Variants in NAA11 observed in about 807,000 individuals in gnomAD.
NAA11 encodes N-alpha-acetyltransferase 11.
A neutral mutation model predicts 16.1 loss-of-function variants in NAA11; 15 were observed. The ratio of observed to expected loss-of-function variants is 0.93; its 90% CI spans 0.62 to 1.44. The LOEUF (loss-of-function observed/expected upper bound fraction) is 1.44. Ranked by LOEUF, NAA11 falls within the 40% of genes most tolerant of loss-of-function variation. The pLI is 0.00. For synonymous variants in NAA11, 122 were observed against 112.4 expected, an observed-to-expected ratio of 1.09 and a Z score of -0.54; for missense variants, 298 against 291.3, an observed-to-expected ratio of 1.02 and a Z score of -0.17.
chr4:79,246,198 C>T (rs996904502), intron 2 of NAA11, among the ~76,000 whole-genome samples: 6 of 151,732 alleles, frequency 4.0e-5, no homozygotes, highest in Non-Finnish European at 8.8e-5. Context: ...GAGTCATCAC[C>T]ACTCCCTAAT....
the NAA11 span, among the ~76,000 whole-genome samples, chr4:79,183,247 G>C: frequency 6.6e-6 from 1 of 152,044 alleles, no homozygotes; most frequent in Non-Finnish European, 1.5e-5. Flanking sequence ...CTTCTTACAC[G>C]TTGTGTCACC....
At chr4:79,207,140 C>T in the NAA11 span, among the ~76,000 whole-genome samples, 2 of 151,860 alleles carry the variant, frequency 1.3e-5, no homozygotes, top group Non-Finnish European at 2.9e-5. Context: ...ATTGTATCAT[C>T]ACCAAATAGA....
chr4:79,210,799 G>A, the NAA11 span, among the ~76,000 whole-genome samples: 1 of 152,148 alleles, frequency 6.6e-6, no homozygotes, highest in Middle Eastern at 3.2e-3. Flanking sequence ...AGGCTCTGGA[G>A]GCAGATATAC....
chr4:79,155,955 A>C, the NAA11 span, among the ~76,000 whole-genome samples: 1 of 152,340 alleles, frequency 6.6e-6, no homozygotes, highest in Non-Finnish European at 1.5e-5. Flanking sequence ...TTTGGAGGAC[A>C]GTTACAAGGC....
the NAA11 span, among the ~76,000 whole-genome samples, chr4:79,160,910 A>T: frequency 2.6e-5 from 4 of 152,278 alleles, no homozygotes; most frequent in East Asian, 7.7e-4. Flanking sequence ...CCCTTGAAAA[A>T]AATAAATGTG....
the NAA11 span, among the ~76,000 whole-genome samples, chr4:79,166,442 A>T: frequency 6.6e-6 from 1 of 151,350 alleles, no homozygotes. Context: ...TTGCAGCCTC[A>T]AAGTCCTAGA....
At chr4:79,187,023 A>G in the NAA11 span, among the ~76,000 whole-genome samples, 1 of 152,326 alleles carries the variant, frequency 6.6e-6, no homozygotes, top group East Asian at 1.9e-4. Context: ...GGTTGAGTGC[A>G]TATTCTTTGT....
At chr4:79,186,447 G>A in the NAA11 span, among the ~76,000 whole-genome samples, 1 of 152,170 alleles carries the variant, frequency 6.6e-6, no homozygotes, top group Non-Finnish European at 1.5e-5. Flanking sequence ...ATTGAACAAT[G>A]TAAAGACTTT....
At chr4:79,242,582 A>G (rs1353881810) in intron 2 of NAA11, among the ~76,000 whole-genome samples, 1 of 152,194 alleles carries the variant, frequency 6.6e-6, no homozygotes, top group Admixed American at 6.5e-5. Flanking sequence ...GGTCCTCCTT[A>G]GTCCTCTATA....
intron 2 of NAA11, among the ~76,000 whole-genome samples, chr4:79,272,727 T>G (rs1722525931): frequency 1.3e-5 from 2 of 152,000 alleles, no homozygotes; most frequent in South Asian, 4.2e-4. Context: ...GGGGGCTATG[T>G]TCCAGTTACT....
the NAA11 span, among the ~76,000 whole-genome samples, chr4:79,214,691 T>G: frequency 2.0e-5 from 3 of 152,040 alleles, no homozygotes; most frequent in African/African-American, 7.2e-5. Context: ...CTCAGCTACT[T>G]GGGAGGCTGA....
chr4:79,202,620 GTT>G, the NAA11 span, among the ~76,000 whole-genome samples: 4 of 13,018 alleles, frequency 3.1e-4, no homozygotes, highest in East Asian at 0.02. Context: ...GTTATATATA[GTT>G]TTATATATAT....
At chr4:79,200,771 C>T in the NAA11 span, among the ~76,000 whole-genome samples, 1 of 151,758 alleles carries the variant, frequency 6.6e-6, no homozygotes, top group Non-Finnish European at 1.5e-5. Context: ...GCTTTGCAAG[C>T]CTTTCACTCA....
At chr4:79,267,164 T>G (rs377144136) in intron 2 of NAA11, among the ~76,000 whole-genome samples, 7 of 152,178 alleles carry the variant, frequency 4.6e-5, no homozygotes, top group African/African-American at 1.7e-4. Flanking sequence ...TTTACGTAGT[T>G]TGATGAAGGG....
the NAA11 span, among the ~76,000 whole-genome samples, chr4:79,198,091 A>C: frequency 1.3e-5 from 2 of 151,936 alleles, no homozygotes; most frequent in East Asian, 3.9e-4. Context: ...AATATTTCCC[A>C]AGTAGTTTGT....
intron 2 of NAA11, among the ~76,000 whole-genome samples, chr4:79,281,749 T>G (rs932837209): frequency 5.9e-5 from 9 of 152,122 alleles, no homozygotes; most frequent in African/African-American, 2.2e-4. Context: ...ACAGAGCCTA[T>G]CAGGCTGTCC....
At chr4:79,248,907 C>T (rs1276026132) in intron 2 of NAA11, among the ~76,000 whole-genome samples, 5 of 152,216 alleles carry the variant, frequency 3.3e-5, no homozygotes. Context: ...CAAGTGATTA[C>T]AGATCCCACT....
intron 1 of NAA11, among the ~76,000 whole-genome samples, chr4:79,300,795 G>A (rs1723362273): frequency 6.6e-6 from 1 of 152,086 alleles, no homozygotes; most frequent in African/African-American, 2.4e-5. Flanking sequence ...AACATGAGGT[G>A]GACATTAGAA....
the NAA11 span, among the ~76,000 whole-genome samples, chr4:79,217,002 T>C: frequency 6.6e-6 from 1 of 152,232 alleles, no homozygotes; most frequent in African/African-American, 2.4e-5. Context: ...AAAATGTACA[T>C]TAATGACAGA....
Sources: gnomAD v4.1 joint callset for allele counts (sites outside exome capture counted in the v4.1 genomes callset) on GRCh38, gnomAD v4.1.1 for gene constraint, MANE v1.5 for transcripts, NCBI Gene and HGNC (gene_info 2026-07-23, HGNC 2026-07-21) for gene names.